The following EXOC5 variants were observed in gnomAD, a reference collection of about 807,000 sequenced individuals.
EXOC5 encodes the protein exocyst complex component 5, also known as SEC10-like 1.
A neutral mutation model predicts 90.8 loss-of-function variants in EXOC5; 17 were observed. The ratio of observed to expected loss-of-function variants is 0.19; its 90% CI spans 0.13 to 0.28. The LOEUF (loss-of-function observed/expected upper bound fraction) is 0.28, where lower values mean the gene tolerates loss of function less well. EXOC5 is among the 10% of genes least tolerant of loss of function. The probability of loss-of-function intolerance (pLI) is 1.00; values close to 1 mark genes in which losing one functional copy is unlikely to be tolerated. For synonymous variants in EXOC5, 260 were observed against 270.0 expected (o/e 0.96, Z 0.36); for missense variants, 569 against 830.6 (o/e 0.69, Z 3.87).
chr14:57,240,523 C>G (rs1883828862), intron 4 of EXOC5, among the ~76,000 whole-genome samples: 1 of 151,888 alleles, frequency 6.6e-6, no homozygotes, highest in Non-Finnish European at 1.5e-5. Flanking sequence ...CTTAGGTGAT[C>G]CGCCCACCTC....
At chr14:57,233,908 A>G (rs779057554) in intron 8 of EXOC5, 25 bp from the exon 9 acceptor site, 1 of 1,603,508 alleles carries the variant, frequency 6.2e-7, no homozygotes, top group South Asian at 1.1e-5. Context: ...CATTTTATAC[A>G]GTGAACATAT....
chr14:57,247,924 T>C (rs904457825), intron 1 of EXOC5, among the ~76,000 whole-genome samples: 1 of 151,980 alleles, frequency 6.6e-6, no homozygotes, highest in African/African-American at 2.4e-5. Flanking sequence ...GATATTAAAA[T>C]ACTAGAACAG....
intron 1 of EXOC5, among the ~76,000 whole-genome samples, chr14:57,248,758 A>T (rs886950704): frequency 6.6e-6 from 1 of 152,128 alleles, no homozygotes; most frequent in African/African-American, 2.4e-5. Flanking sequence ...TTTTTCTTAA[A>T]CCTTTAAAGA....
chr14:57,212,190 T>A (rs1400731364), intron 15 of EXOC5, among the ~76,000 whole-genome samples: 1 of 152,182 alleles, frequency 6.6e-6, no homozygotes, highest in Non-Finnish European at 1.5e-5. Flanking sequence ...TATTTACTCT[T>A]CATTGATCTA....
intron 1 of EXOC5, among the ~76,000 whole-genome samples, chr14:57,261,845 C>T (rs558590060): frequency 2.4e-4 from 37 of 152,324 alleles, no homozygotes; most frequent in African/African-American, 7.9e-4. Flanking sequence ...GGCATGGCTG[C>T]TAGAGTCCAA....
intron 12 of EXOC5, among the ~76,000 whole-genome samples, chr14:57,227,990 T>A (rs1212522914): frequency 6.8e-6 from 1 of 146,366 alleles, no homozygotes; most frequent in Non-Finnish European, 1.5e-5. Flanking sequence ...GTAAACTACA[T>A]ACAAACAAGA....
At chr14:57,230,446 A>ACACACACACACACAC (rs368164739) in intron 11 of EXOC5, among the ~76,000 whole-genome samples, 63 of 148,250 alleles carry the variant, frequency 4.2e-4, no homozygotes, top group African/African-American at 1.6e-3. Flanking sequence ...CACACACACA[A>ACACACACACACACAC]ACACACACAC....
intron 1 of EXOC5, among the ~76,000 whole-genome samples, chr14:57,261,036 ATAAC>A (rs1189370630): frequency 2.0e-5 from 3 of 152,226 alleles, no homozygotes; most frequent in African/African-American, 7.2e-5. Context: ...AGATATGTAA[ATAAC>A]TATATTTTCT....
At chr14:57,226,128 A>G (rs1041967083) in intron 12 of EXOC5, among the ~76,000 whole-genome samples, 1 of 152,188 alleles carries the variant, frequency 6.6e-6, no homozygotes, top group African/African-American at 2.4e-5. Context: ...AACTGTGAAG[A>G]TAAGTTATCA....
chr14:57,240,663 CTTA>C (rs1883832999), intron 4 of EXOC5, among the ~76,000 whole-genome samples: 1 of 151,946 alleles, frequency 6.6e-6, no homozygotes, highest in Non-Finnish European at 1.5e-5. Context: ...GATATCTGTG[CTTA>C]TTTACACAAC....
intron 12 of EXOC5, among the ~76,000 whole-genome samples, chr14:57,228,011 T>TACAC (rs60151728): frequency 0.01 from 1,496 of 144,232 alleles, 26 homozygotes; most frequent in African/African-American, 0.036. Context: ...TATATATACA[T>TACAC]ACACACACAC....
intron 4 of EXOC5, among the ~76,000 whole-genome samples, chr14:57,240,604 G>A (rs991840551): frequency 6.6e-6 from 1 of 151,866 alleles, no homozygotes; most frequent in Non-Finnish European, 1.5e-5. Context: ...ATTTATTCAA[G>A]TTGTGGAACT....
intron 1 of EXOC5, among the ~76,000 whole-genome samples, chr14:57,259,668 G>A (rs1566507040): frequency 6.6e-6 from 1 of 151,946 alleles, no homozygotes. Context: ...TTCCTTACAT[G>A]GTCTCCATTA....
rs1272647186 is a variant in EXOC5 at position 57,257,433 on chromosome 14, T to G, written c.28-9721A>C. Reference sequence around the variant, plus strand: ...TCACAAAATTTGAATCATCAACATATAGATGGTTACTTAAGGACTGGTTGA... The same window carrying G: ...TCACAAAATTTGAATCATCAACATAGAGATGGTTACTTAAGGACTGGTTGA... On this transcript the variant is annotated intron_variant, in intron 1 of 17. Transcript: ENST00000621441. 3.3e-5 allele frequency among the ~76,000 whole-genome samples: 5 copies of G among 152,228 alleles called. No homozygotes were observed. The East Asian group carries it at 9.6e-4, about 29-fold the overall frequency.
rs545797017 is a variant in EXOC5, at chr14:57,207,167, T to A, written c.*1442A>T. On this transcript the variant is annotated 3_prime_UTR_variant, in exon 18 of 18. Transcript: ENST00000621441. ...CAGAAAATGAAGAAAATTCAGTCAA[T>A]AGTAACTTAAACAGTACTAAGTTAG... 36 of 152,612 alleles carry A rather than the reference T, an allele frequency of 2.4e-4. No homozygotes were observed. Among genetic ancestry groups the A allele is most frequent in the African/African-American group, 8.4e-4 (35 of 41,562 alleles). The allele number at this position is 152,612 out of a possible 1,614,324, so 9.5% of individuals were successfully genotyped here.
At chr14:57,223,574 A>G (rs2139623817) in intron 12 of EXOC5, among the ~76,000 whole-genome samples, 1 of 152,158 alleles carries the variant, frequency 6.6e-6, no homozygotes, top group East Asian at 1.9e-4. Flanking sequence ...CTAATCACTG[A>G]TGCTCAAAAA....
At chr14:57,238,375 T>TACACAC (rs1183693696) in intron 5 of EXOC5, among the ~76,000 whole-genome samples, 1,425 of 74,840 alleles carry the variant, frequency 0.019, 35 homozygotes, top group Non-Finnish European at 0.028. Flanking sequence ...TATATATATA[T>TACACAC]ACACACACAC....
rs556658125 is a variant in EXOC5 at position 57,201,466 on chromosome 14, A to G, written c.*7143T>C. ...CGTGTGTATATATACACACGCGTGT[A>G]TATGTACACACACGTGTATAAACAC... On this transcript the variant is annotated 3_prime_UTR_variant, in exon 18 of 18. Transcript: ENST00000621441. 2.1e-5 allele frequency: 3 copies of G among 139,816 alleles called. No homozygotes were observed. The highest frequency in any genetic ancestry group is 1.4e-4 in the Admixed American group (2 of 14,596). The allele number at this position is 139,816 out of a possible 1,614,324, so 8.7% of individuals were successfully genotyped here.
chr14:57,247,043 C>T (rs1272604517), intron 2 of EXOC5, among the ~76,000 whole-genome samples, 185 bp from the exon 3 acceptor site: 1 of 152,164 alleles, frequency 6.6e-6, no homozygotes, highest in Non-Finnish European at 1.5e-5. Flanking sequence ...TCTGTAATTT[C>T]ATAACTTCCT....
Sources: gnomAD v4.1 joint callset for allele counts (sites outside exome capture counted in the v4.1 genomes callset) on GRCh38, gnomAD v4.1.1 for gene constraint, MANE v1.5 for transcripts, NCBI Gene and HGNC (gene_info 2026-07-23, HGNC 2026-07-21) for gene names.